The following EXOC4 variants were observed in gnomAD, a reference collection of about 807,000 sequenced individuals.
EXOC4 encodes the protein exocyst complex component 4, also known as SEC8-like 1.
EXOC4 carries 71 observed loss-of-function variants against 107.2 expected under a neutral mutation model. That is an observed-to-expected ratio of 0.66 (90% CI 0.55 to 0.81). The LOEUF (loss-of-function observed/expected upper bound fraction) is 0.81. Among genes scored for constraint, EXOC4 ranks in the 30% least tolerant of loss-of-function variants. EXOC4 has a pLI of 0.00. For synonymous variants in EXOC4, 456 were observed against 441.2 expected (o/e 1.03, Z -0.42); for missense variants, 1,108 against 1,189.6 (o/e 0.93, Z 1.01).
chr7:133,703,735 C>T (rs1794712517), intron 10 of EXOC4, among the ~76,000 whole-genome samples: 1 of 152,306 alleles, frequency 6.6e-6, no homozygotes, highest in South Asian at 2.1e-4. Context: ...TCTTTGGCAT[C>T]CTTAATTCCT....
intron 9 of EXOC4, among the ~76,000 whole-genome samples, chr7:133,556,638 C>T (rs895760501): frequency 1.4e-5 from 2 of 143,610 alleles, no homozygotes; most frequent in South Asian, 4.5e-4. Context: ...TGCTTAGTTG[C>T]TAGAGACCTA....
chr7:133,259,064 C>T (rs1239775056), intron 1 of EXOC4, among the ~76,000 whole-genome samples: 1 of 152,052 alleles, frequency 6.6e-6, no homozygotes, highest in Non-Finnish European at 1.5e-5. Flanking sequence ...CCAGCAATCT[C>T]ATTTCCCAAA....
chr7:133,599,901 T>A (rs1801766702), intron 9 of EXOC4, among the ~76,000 whole-genome samples: 1 of 109,160 alleles, frequency 9.2e-6, no homozygotes, highest in African/African-American at 4.0e-5. Flanking sequence ...ATTTTTTTTT[T>A]TTTTTTTTTT....
chr7:134,054,837 G>A (rs10254879), intron 17 of EXOC4, among the ~76,000 whole-genome samples: 26,634 of 152,084 alleles, frequency 0.18, 2,709 homozygotes, highest in African/African-American at 0.27. Context: ...TATCCATCAC[G>A]TTTGTCAGAG....
chr7:133,292,676 G>A (rs1265428714), intron 3 of EXOC4, among the ~76,000 whole-genome samples: 1 of 152,026 alleles, frequency 6.6e-6, no homozygotes, highest in African/African-American at 2.4e-5. Context: ...ATAGCTAGGT[G>A]CTTTTCTTTA....
intron 10 of EXOC4, among the ~76,000 whole-genome samples, chr7:133,770,592 C>A (rs1470981138): frequency 6.6e-6 from 1 of 151,880 alleles, no homozygotes; most frequent in Non-Finnish European, 1.5e-5. Flanking sequence ...TTGTATCAGG[C>A]ATCAGGGTAA....
intron 1 of EXOC4, among the ~76,000 whole-genome samples, chr7:133,268,223 C>A (rs1192068953): frequency 6.6e-6 from 1 of 152,162 alleles, no homozygotes; most frequent in Non-Finnish European, 1.5e-5. Context: ...TTGAAAGTTG[C>A]AGAGCTCCGT....
At chr7:133,613,749 G>A (rs1329605108) in intron 9 of EXOC4, among the ~76,000 whole-genome samples, 3 of 152,148 alleles carry the variant, frequency 2.0e-5, no homozygotes, top group East Asian at 3.9e-4. Flanking sequence ...CACTGAAGCT[G>A]CATCAGTAGG....
intron 10 of EXOC4, among the ~76,000 whole-genome samples, chr7:133,680,900 GCTTTAT>G (rs1794173044): frequency 6.6e-6 from 1 of 151,986 alleles, no homozygotes; most frequent in East Asian, 1.9e-4. Context: ...TTTTAGTTGA[GCTTTAT>G]ATAGCAAAGT....
At chr7:133,471,729 C>CGGAAA (rs1798884638) in intron 7 of EXOC4, among the ~76,000 whole-genome samples, 1 of 151,922 alleles carries the variant, frequency 6.6e-6, no homozygotes, top group African/African-American at 2.4e-5. Flanking sequence ...AAAAGTTCAG[C>CGGAAA]AATTTGTTGT....
intron 6 of EXOC4, among the ~76,000 whole-genome samples, chr7:133,360,013 A>G (rs1172072715): frequency 2.0e-5 from 3 of 152,208 alleles, no homozygotes; most frequent in Non-Finnish European, 4.4e-5. Flanking sequence ...TGCCAACTTG[A>G]TAAACATTAG....
chr7:133,827,874 C>T (rs1396649547), intron 11 of EXOC4, among the ~76,000 whole-genome samples: 1 of 152,082 alleles, frequency 6.6e-6, no homozygotes, highest in Non-Finnish European at 1.5e-5. Flanking sequence ...TGCTTGGTGC[C>T]AAGAAACTTG....
At chr7:133,888,355 T>C (rs1327840684) in intron 11 of EXOC4, among the ~76,000 whole-genome samples, 2 of 152,196 alleles carry the variant, frequency 1.3e-5, no homozygotes, top group African/African-American at 2.4e-5. Flanking sequence ...CATACTTTTA[T>C]GGCTAAGCTT....
intron 14 of EXOC4, among the ~76,000 whole-genome samples, chr7:133,971,267 G>C (rs1801214486): frequency 1.5e-5 from 2 of 129,046 alleles, no homozygotes; most frequent in South Asian, 5.2e-4. Flanking sequence ...CAGAGTTGTT[G>C]GTTTTTTAAA....
chr7:133,309,876 G>T (rs1034908508), intron 4 of EXOC4, among the ~76,000 whole-genome samples: 1 of 151,656 alleles, frequency 6.6e-6, no homozygotes, highest in African/African-American at 2.4e-5. Flanking sequence ...GGAAGTGAAA[G>T]TTGCAGTGAG....
In EXOC4 at chr7:133,630,087, T is replaced by A; in HGVS notation, c.1460T>A (p.Phe487Tyr). 6.2e-7 allele frequency: 1 copy of A among 1,613,986 alleles called. No homozygotes were observed. The highest frequency in any genetic ancestry group is 8.5e-7 in the Non-Finnish European group (1 of 1,179,948). ...DNLIEGGGTK[F>Y]VCKPGARNIT... ...TTAATTGAAGGTGGAGGAACAAAATTTGTCTGCAAACCTGGAGCCAGAAAC... is the reference window on the plus strand; with the variant it reads ...TTAATTGAAGGTGGAGGAACAAAATATGTCTGCAAACCTGGAGCCAGAAAC... The change falls in exon 10 of 18, where the codon TTT (phenylalanine) becomes TAT (tyrosine). Residue 487 changes from phenylalanine (F) to tyrosine (Y), a missense_variant. Coordinates refer to ENST00000253861, the MANE Select transcript of EXOC4 (RefSeq NM_021807.4).
At chr7:133,656,250 T>G (rs1311661167) in intron 10 of EXOC4, among the ~76,000 whole-genome samples, 3 of 152,156 alleles carry the variant, frequency 2.0e-5, no homozygotes, top group Admixed American at 2.0e-4. Context: ...AAGATATCAG[T>G]TGGCAAGGGG....
At chr7:133,994,269 C>T (rs1276782061) in intron 14 of EXOC4, among the ~76,000 whole-genome samples, 8 of 152,268 alleles carry the variant, frequency 5.3e-5, no homozygotes, top group African/African-American at 1.9e-4. Context: ...CCAGCTTCAT[C>T]GATGTCCCTG....
intron 10 of EXOC4, among the ~76,000 whole-genome samples, chr7:133,809,856 A>T (rs1797173824): frequency 6.6e-6 from 1 of 152,234 alleles, no homozygotes; most frequent in South Asian, 2.1e-4. Flanking sequence ...AGAGTCATGC[A>T]TGAATTACTT....
Sources: allele counts gnomAD v4.1 joint callset (sites outside exome capture counted in the v4.1 genomes callset), GRCh38; gene constraint gnomAD v4.1.1; transcripts MANE v1.5; gene names NCBI Gene and HGNC (gene_info 2026-07-23, HGNC 2026-07-21).